The following ALG1L2 variants were observed in gnomAD, a reference collection of about 807,000 sequenced individuals.
ALG1L2 encodes the protein putative glycosyltransferase ALG1L2.
In ALG1L2, 32 loss-of-function variants were observed where a neutral mutation model predicts 29.0. The observed-to-expected ratio is 1.10, with a 90% CI of 0.83 to 1.48. The LOEUF (loss-of-function observed/expected upper bound fraction) is 1.48, where lower values mean the gene tolerates loss of function less well. ALG1L2 is among the 40% of genes most tolerant of loss of function. ALG1L2 has a pLI of 0.00. For synonymous variants in ALG1L2, 110 were observed against 109.5 expected (o/e 1.00, Z -0.03); for missense variants, 318 against 274.1 (o/e 1.16, Z -1.13).
intron 1 of ALG1L2, among the ~76,000 whole-genome samples, chr3:130,086,821 C>T (rs1319751152): frequency 6.6e-6 from 1 of 150,644 alleles, no homozygotes; most frequent in Admixed American, 6.7e-5. Context: ...TAGCCCTCAG[C>T]AAAACCACAA....
intron 1 of ALG1L2, among the ~76,000 whole-genome samples, chr3:130,086,472 G>T (rs1423273514): frequency 6.6e-6 from 1 of 150,916 alleles, no homozygotes; most frequent in Non-Finnish European, 1.5e-5. Flanking sequence ...TCCAAGATCA[G>T]CCTGGGCAAC....
At chr3:130,095,884 C>T (rs1404251925) in intron 5 of ALG1L2, among the ~76,000 whole-genome samples, 165 bp from the exon 6 acceptor site, 1 of 152,212 alleles carries the variant, frequency 6.6e-6, no homozygotes, top group African/African-American at 2.4e-5. Flanking sequence ...ATGTCCCAGC[C>T]AGGCCGTGTG....
intron 4 of ALG1L2, 80 bp downstream of exon 4, chr3:130,093,240 C>T (rs1935058592): frequency 6.7e-7 from 1 of 1,500,242 alleles, no homozygotes; most frequent in Admixed American, 1.7e-5. Context: ...CCCTGTGCTT[C>T]CCACGATCTT....
chr3:130,082,687 G>A (rs527804469), intron 1 of ALG1L2, among the ~76,000 whole-genome samples: 37 of 148,148 alleles, frequency 2.5e-4, no homozygotes, highest in African/African-American at 8.7e-4. Flanking sequence ...GAACACGTGC[G>A]TGGGCAGACG....
chr3:130,090,232 T>G (rs1447471181), intron 1 of ALG1L2, among the ~76,000 whole-genome samples: 1 of 152,300 alleles, frequency 6.6e-6, no homozygotes. Flanking sequence ...GGTGGGTGCC[T>G]GAAATCCCAG....
In ALG1L2 at chr3:130,096,071, T is replaced by C; in HGVS notation, c.447T>C (p.Cys149=). The C allele has an allele frequency of 1.3e-6, 2 of 1,594,412 alleles. No homozygotes were observed. Among genetic ancestry groups the C allele is most frequent in the Middle Eastern group, 2.3e-4 (1 of 4,394 alleles). ...CAGGGTCGGTGGACCTGGATGTCTG[T>C]CTGGACACGTCCTCCAGTGGCCTGG... ...PLLGSVDLDV[C]LDTSSSGLDL... Residue 149 remains cysteine (C), a synonymous_variant, in exon 6 of 8, where the codon TGT becomes TGC. Transcript: ENST00000425059.
In ALG1L2 at chr3:130,092,101, C is replaced by G. The variant is rs769206995; in HGVS notation, c.132C>G (p.Arg44=). 67 of 1,613,440 alleles carry G rather than the reference C, an allele frequency of 4.2e-5. No individual in the cohort carries two copies. Among genetic ancestry groups the G allele is most frequent in the Non-Finnish European group, 5.2e-5 (61 of 1,179,842 alleles). ...ACAGGGTTTTTTTCTGCTCCTTCAG[C>G]TCAGAACCTGAGGACCCAGACACAG... The part of the protein sequence containing the change: ...LGSTHSPFRA[R]SEPEDPDTER... Residue 44 remains arginine (R), a splice_region_variant and synonymous_variant, in exon 3 of 8, where the codon CGC becomes CGG. Transcript: ENST00000425059.
chr3:130,088,302 G>C (rs1279624477), intron 1 of ALG1L2, among the ~76,000 whole-genome samples: 1 of 152,304 alleles, frequency 6.6e-6, no homozygotes, highest in Admixed American at 6.5e-5. Context: ...ATCTCTAATT[G>C]TAGTTCCCAT....
intron 1 of ALG1L2, among the ~76,000 whole-genome samples, chr3:130,084,919 T>A (rs1318955773): frequency 9.4e-5 from 1 of 10,694 alleles, no homozygotes; most frequent in Non-Finnish European, 2.7e-4. Context: ...ATGTAGTGTG[T>A]GTGTGTATAT....
chr3:130,096,977 G>A (rs1200964939), intron 6 of ALG1L2, among the ~76,000 whole-genome samples, 198 bp from the exon 7 acceptor site: 1 of 151,024 alleles, frequency 6.6e-6, no homozygotes. Flanking sequence ...AAATCGGTTT[G>A]ACCATTTTGA....
chr3:130,092,411 G>A (rs922501581), intron 3 of ALG1L2, among the ~76,000 whole-genome samples, 189 bp downstream of exon 3: 1 of 152,232 alleles, frequency 6.6e-6, no homozygotes, highest in Non-Finnish European at 1.5e-5. Context: ...CATAGAGGAC[G>A]AAGACTTCTC....
intron 5 of ALG1L2, 29 bp from the exon 6 acceptor site, chr3:130,096,020 G>A (rs9758049): frequency 0.37 from 582,418 of 1,588,266 alleles, 110,262 homozygotes; most frequent in Middle Eastern, 0.43. Context: ...AGAGACCAGC[G>A]CTCTGGCCAC....
chr3:130,094,685 C>T lies in ALG1L2; in HGVS notation c.424+172C>T, dbSNP rs191238343. 9.8e-4 allele frequency among the ~76,000 whole-genome samples: 150 copies of T among 152,314 alleles called. 1 individual carries two copies. Among genetic ancestry groups the T allele is most frequent in the African/African-American group, 3.4e-3 (140 of 41,570 alleles). On this transcript the variant is annotated intron_variant, in intron 5 of 7. Coordinates refer to ENST00000425059, the MANE Select transcript of ALG1L2 (RefSeq NM_001136152.1). ...CTACTTCCTGGTGTGCCAGCCCCTC[C>T]CTGCCAGGTGGCCCCAGAGGCCCTT...
intron 1 of ALG1L2, among the ~76,000 whole-genome samples, chr3:130,083,885 G>C (rs1403524901): frequency 1.3e-5 from 2 of 149,826 alleles, no homozygotes; most frequent in African/African-American, 2.4e-5. Context: ...AATCAGCAAG[G>C]GTTGGTCGTG....
chr3:130,091,767 G>C, intron 2 of ALG1L2: 1 of 599,472 alleles, frequency 1.7e-6, no homozygotes, highest in Non-Finnish European at 3.1e-6. Context: ...CTTTGTGCAG[G>C]TCCACATACC....
At chr3:130,092,285 C>T (rs1935035286) in intron 3 of ALG1L2, 63 bp downstream of exon 3, 2 of 1,586,382 alleles carry the variant, frequency 1.3e-6, no homozygotes, top group East Asian at 2.3e-5. Flanking sequence ...CCTGTATTCT[C>T]CTCACCCCTG....
In ALG1L2 at chr3:130,092,323, C is replaced by T. The variant is rs150805842; in HGVS notation, c.253+101C>T. ...AGTCCTGCATGCCCCAACCCCACCA[C>T]GGTCTCAGTGAGAAGGGGAGGGCGT... On this transcript the variant is annotated intron_variant, in intron 3 of 7. Transcript: ENST00000425059. 818 of 1,592,338 alleles carry T rather than the reference C, an allele frequency of 5.1e-4. 1 individual carries two copies. The highest frequency in any genetic ancestry group is 1.1e-3 in the Middle Eastern group (5 of 4,414).
intron 5 of ALG1L2, among the ~76,000 whole-genome samples, chr3:130,095,621 T>C (rs1935113323): frequency 1.3e-5 from 2 of 150,810 alleles, no homozygotes; most frequent in Admixed American, 6.6e-5. Flanking sequence ...TTTTTTTTTT[T>C]AGTAGAGATG....
At chr3:130,086,341 C>A in intron 1 of ALG1L2, among the ~76,000 whole-genome samples, 1 of 145,804 alleles carries the variant, frequency 6.9e-6, no homozygotes. Flanking sequence ...AGAAATTATT[C>A]CTGGAGCGAA....
Sources: gnomAD v4.1 joint callset for allele counts (sites outside exome capture counted in the v4.1 genomes callset) on GRCh38, gnomAD v4.1.1 for gene constraint, MANE v1.5 for transcripts, NCBI Gene and HGNC (gene_info 2026-07-23, HGNC 2026-07-21) for gene names.